The following RAVER2 variants were observed in gnomAD, a reference collection of about 807,000 sequenced individuals.
RAVER2 encodes the protein ribonucleoprotein PTB-binding 2.
Under a neutral mutation model 78.1 loss-of-function variants are expected in RAVER2, and 46 were observed. The ratio of observed to expected loss-of-function variants is 0.59; its 90% CI spans 0.46 to 0.75. The LOEUF (loss-of-function observed/expected upper bound fraction) is 0.75. Among genes scored for constraint, RAVER2 ranks in the 30% least tolerant of loss-of-function variants. The pLI, the probability that RAVER2 is intolerant of heterozygous loss-of-function variation, is 0.00. For synonymous variants in RAVER2, 311 were observed against 313.3 expected (o/e 0.99, Z 0.08); for missense variants, 793 against 837.5 (o/e 0.95, Z 0.66).
chr1:64,806,233 A>G (rs570666297), intron 8 of RAVER2, among the ~76,000 whole-genome samples: 1 of 152,270 alleles, frequency 6.6e-6, no homozygotes, highest in East Asian at 1.9e-4. Flanking sequence ...CAACATGACA[A>G]AACCCTGACT....
chr1:64,773,702 G>T (rs1557588799), intron 2 of RAVER2, among the ~76,000 whole-genome samples: 2 of 152,186 alleles, frequency 1.3e-5, no homozygotes, highest in African/African-American at 4.8e-5. Flanking sequence ...ACCCAGTAAT[G>T]GGATAGCTAG....
chr1:64,791,951 C>CT (rs1430245206), intron 5 of RAVER2, among the ~76,000 whole-genome samples: 2 of 151,902 alleles, frequency 1.3e-5, no homozygotes, highest in African/African-American at 2.4e-5. Flanking sequence ...CAGACCAGTT[C>CT]TTTTTTTTAC....
intron 4 of RAVER2, among the ~76,000 whole-genome samples, chr1:64,783,871 C>T (rs573111617): frequency 1.3e-5 from 2 of 152,322 alleles, no homozygotes; most frequent in South Asian, 4.1e-4. Flanking sequence ...GCAAAAGATA[C>T]TGGGCTTTAT....
chr1:64,787,575 T>G (rs898384802), intron 4 of RAVER2, among the ~76,000 whole-genome samples: 2 of 152,278 alleles, frequency 1.3e-5, no homozygotes, highest in South Asian at 2.1e-4. Context: ...AGAGTGGGTG[T>G]GGGAGGACCT....
At chr1:64,791,812 A>T (rs1175295581) in intron 5 of RAVER2, among the ~76,000 whole-genome samples, 1 of 152,176 alleles carries the variant, frequency 6.6e-6, no homozygotes, top group Non-Finnish European at 1.5e-5. Flanking sequence ...TTAGCCACTT[A>T]TTCTGGTTCC....
At chr1:64,787,222 T>C (rs1421597227) in intron 4 of RAVER2, among the ~76,000 whole-genome samples, 3 of 152,224 alleles carry the variant, frequency 2.0e-5, no homozygotes, top group Non-Finnish European at 2.9e-5. Context: ...GTTTGTTGCT[T>C]TTATTTTTTA....
chr1:64,806,148 T>C (rs1653412653), intron 8 of RAVER2, among the ~76,000 whole-genome samples: 1 of 152,226 alleles, frequency 6.6e-6, no homozygotes. Context: ...TTCCATTTAA[T>C]TTTGACCTAT....
intron 2 of RAVER2, among the ~76,000 whole-genome samples, chr1:64,774,042 A>C (rs1652393995): frequency 6.6e-6 from 1 of 151,666 alleles, no homozygotes; most frequent in Non-Finnish European, 1.5e-5. Flanking sequence ...TTTTCTTGTA[A>C]ATTTGTTTGA....
exon 9 of RAVER2, chr1:64,807,429 T>C (rs1183238387): frequency 2.5e-6 from 4 of 1,613,900 alleles, no homozygotes; most frequent in Non-Finnish European, 3.4e-6. Context: ...TGGGACACCA[T>C]AAGCAGCAGC....
At chr1:64,810,061 G>A (rs1653561951) in intron 9 of RAVER2, among the ~76,000 whole-genome samples, 2 of 152,138 alleles carry the variant, frequency 1.3e-5, no homozygotes, top group South Asian at 2.1e-4. Flanking sequence ...TGGTATCTGA[G>A]TCCCTGCTTT....
intron 2 of RAVER2, among the ~76,000 whole-genome samples, chr1:64,772,565 A>C (rs1652348977): frequency 6.6e-6 from 1 of 152,128 alleles, no homozygotes; most frequent in South Asian, 2.1e-4. Context: ...TTCAAGATAG[A>C]GAGGTATAAA....
chr1:64,809,207 G>A (rs1435973850), intron 9 of RAVER2, among the ~76,000 whole-genome samples: 1 of 152,132 alleles, frequency 6.6e-6, no homozygotes, highest in East Asian at 1.9e-4. Flanking sequence ...TAAGCAAAGA[G>A]AAAGTTTATT....
chr1:64,782,604 A>G (rs944065588), intron 4 of RAVER2, among the ~76,000 whole-genome samples: 3 of 152,188 alleles, frequency 2.0e-5, no homozygotes, highest in African/African-American at 7.2e-5. Context: ...TTAACTGCAC[A>G]TTCTGTGTTT....
intron 11 of RAVER2, among the ~76,000 whole-genome samples, chr1:64,828,041 C>A (rs945636190): frequency 8.5e-5 from 13 of 152,140 alleles, no homozygotes; most frequent in Admixed American, 6.5e-4. Context: ...ACAGGCCCTG[C>A]CTTTCTCCTG....
intron 1 of RAVER2, among the ~76,000 whole-genome samples, chr1:64,754,123 C>A (rs1327141641): frequency 2.0e-5 from 3 of 152,022 alleles, no homozygotes; most frequent in African/African-American, 7.2e-5. Flanking sequence ...TATATTTAAT[C>A]CTCATTTTAA....
chr1:64,767,848 G>C (rs540428520), intron 1 of RAVER2, among the ~76,000 whole-genome samples: 1 of 152,094 alleles, frequency 6.6e-6, no homozygotes, highest in Non-Finnish European at 1.5e-5. Flanking sequence ...CAGTCTAACA[G>C]AAAGGATTAG....
Position 64,768,732 on chromosome 1 carries a change from C to G in RAVER2, c.316+10C>G, listed in dbSNP as rs200137999. 2 of 1,470,966 alleles carry G rather than the reference C, an allele frequency of 1.4e-6. No individual in the cohort carries two copies. Among genetic ancestry groups the G allele is most frequent in the Non-Finnish European group, 1.9e-6 (2 of 1,055,846 alleles). 91.1% of individuals were successfully genotyped at this position (1,470,966 alleles called of 1,614,324 possible). On this transcript the variant is annotated intron_variant, in intron 2 of 11. Coordinates refer to ENST00000294428, the Ensembl canonical transcript of RAVER2. ...AGAAATAAACGAACAGGTAAGATTTCTATTCTAAGTGTCTAATTTCATTTT... is the reference window on the plus strand; with the variant it reads ...AGAAATAAACGAACAGGTAAGATTTGTATTCTAAGTGTCTAATTTCATTTT...
At chr1:64,787,497 C>G (rs1652813808) in intron 4 of RAVER2, among the ~76,000 whole-genome samples, 1 of 152,206 alleles carries the variant, frequency 6.6e-6, no homozygotes, top group African/African-American at 2.4e-5. Context: ...CTTAGAGAGC[C>G]TCTCTTCATT....
At chr1:64,769,820 G>A (rs903145713) in intron 2 of RAVER2, among the ~76,000 whole-genome samples, 14 of 152,046 alleles carry the variant, frequency 9.2e-5, no homozygotes, top group African/African-American at 3.4e-4. Flanking sequence ...AGATTGTGCA[G>A]AAGTTTGTTA....
Sources: allele counts gnomAD v4.1 joint callset (sites outside exome capture counted in the v4.1 genomes callset), GRCh38; gene constraint gnomAD v4.1.1; transcripts MANE v1.5; gene names NCBI Gene and HGNC (gene_info 2026-07-23, HGNC 2026-07-21).